The following ZNRF1 variants were observed in gnomAD, a reference collection of about 807,000 sequenced individuals.
ZNRF1 encodes the protein zinc and ring finger 1.
ZNRF1 carries 3 observed loss-of-function variants against 18.4 expected under a neutral mutation model. That is an observed-to-expected ratio of 0.16 (90% confidence interval 0.07 to 0.42). The LOEUF (loss-of-function observed/expected upper bound fraction) is 0.42. Ranked by LOEUF, ZNRF1 falls within the 10% of genes least tolerant of loss-of-function variation. ZNRF1 has a pLI of 0.99. For missense variants in ZNRF1, 310 were observed against 329.8 expected, an observed-to-expected ratio of 0.94 and a Z score of 0.47; for synonymous variants, 157 against 144.2, an observed-to-expected ratio of 1.09 and a Z score of -0.64.
At position 75,108,613 on chromosome 16, in the gene ZNRF1, C is replaced by A. The variant is rs977933304; in HGVS notation, c.*913C>A. 7 of 398,734 alleles carry A rather than the reference C, an allele frequency of 1.8e-5. No homozygotes were observed. Among genetic ancestry groups the A allele is most frequent in the Admixed American group, 4.4e-5 (1 of 22,716 alleles). The allele number at this position is 398,734 out of a possible 1,614,324, so 24.7% of individuals were successfully genotyped here. A position where few individuals can be genotyped will look rare whatever the true frequency, so the allele number is the denominator to read the frequency against. On this transcript the variant is annotated 3_prime_UTR_variant, in exon 5 of 5. Transcript: ENST00000335325. ...TTATATATTAAAATACAAAAAAAAA[C>A]TTATAAAATGTTTAAAAAAATGTTC...
Position 74,999,744 on chromosome 16 carries a change from G to A in ZNRF1, c.73G>A (p.Val25Met). 7.2e-7 allele frequency: 1 copy of A among 1,390,812 alleles called. No individual in the cohort carries two copies. The highest frequency in any genetic ancestry group is 9.3e-7 in the Non-Finnish European group (1 of 1,078,978). 86.2% of individuals were successfully genotyped at this position (1,390,812 alleles called of 1,614,324 possible). A position where few individuals can be genotyped will look rare whatever the true frequency, so the allele number is the denominator to read the frequency against. The change falls in exon 1 of 5, where the codon GTG becomes ATG. Residue 25 changes from valine to methionine, a missense_variant. Val to Met is a conservative substitution (Grantham distance 21). Around this residue, in one of 2 missense-constraint regions of ZNRF1, gnomAD observed 293 missense variants for 291.2 expected, o/e 1.01. Coordinates refer to ENST00000335325, the MANE Select transcript of ZNRF1 (RefSeq NM_032268.5). Reference protein sequence around the residue: ...FPGVSTDDSAVPPPGGAPHFG... With the variant: ...FPGVSTDDSAMPPPGGAPHFG... ...GGGGGTCTCCACCGATGACAGCGCCGTGCCGCCGCCGGGAGGGGCGCCCCA... is the reference window on the plus strand; with the variant it reads ...GGGGGTCTCCACCGATGACAGCGCCATGCCGCCGCCGGGAGGGGCGCCCCA...
At chr16:75,073,146 C>CTCTCTCTCTCTGTCTG (rs146902791) in intron 1 of ZNRF1, among the ~76,000 whole-genome samples, 1 of 128,662 alleles carries the variant, frequency 7.8e-6, no homozygotes, top group Admixed American at 8.1e-5. Flanking sequence ...CTCTCTCTCT[C>CTCTCTCTCTCTGTCTG]TCTCTCTGTC....
At chr16:75,034,301 T>C (rs2035349166) in intron 1 of ZNRF1, among the ~76,000 whole-genome samples, 1 of 152,242 alleles carries the variant, frequency 6.6e-6, no homozygotes, top group Admixed American at 6.5e-5. Context: ...ACAACTGCTT[T>C]CCATTTCCCT....
intron 1 of ZNRF1, chr16:75,084,507 T>C (rs1432613257): frequency 6.6e-6 from 1 of 152,098 alleles, no homozygotes; most frequent in South Asian, 2.1e-4. Context: ...GGCACCAGAT[T>C]TCCTATTTAC....
At chr16:75,104,979 G>C (rs761610181) in intron 3 of ZNRF1, 90 bp downstream of exon 3, 1 of 1,092,802 alleles carries the variant, frequency 9.2e-7, no homozygotes, top group Non-Finnish European at 1.3e-6. Context: ...TTTGGTTATG[G>C]GATGACCTCT....
intron 1 of ZNRF1, among the ~76,000 whole-genome samples, chr16:75,016,471 C>A (rs1473870882): frequency 6.6e-6 from 1 of 151,912 alleles, no homozygotes; most frequent in East Asian, 1.9e-4. Flanking sequence ...TACTCCTGAC[C>A]TCAAGTGATC....
chr16:75,095,392 C>T (rs1485645123), intron 2 of ZNRF1, among the ~76,000 whole-genome samples: 1 of 152,048 alleles, frequency 6.6e-6, no homozygotes, highest in Non-Finnish European at 1.5e-5. Context: ...GCTGTCAGGA[C>T]GCTCAGGCTC....
chr16:75,026,847 A>C, intron 1 of ZNRF1, among the ~76,000 whole-genome samples: 1 of 152,126 alleles, frequency 6.6e-6, no homozygotes, highest in Admixed American at 6.5e-5. Flanking sequence ...GAGGCACAAG[A>C]ATCACTTGAA....
chr16:75,051,333 G>C (rs1200517733), intron 1 of ZNRF1, among the ~76,000 whole-genome samples: 1 of 151,734 alleles, frequency 6.6e-6, no homozygotes, highest in East Asian at 1.9e-4. Flanking sequence ...TCAGCATCTC[G>C]AGTAGCTGGG....
intron 1 of ZNRF1, among the ~76,000 whole-genome samples, chr16:75,060,457 A>G (rs1290283490): frequency 6.9e-6 from 1 of 145,886 alleles, no homozygotes; most frequent in Non-Finnish European, 1.5e-5. Context: ...ACCCTAGCAT[A>G]CCAGACTCAG....
chr16:75,052,396 G>A (rs1373433374), intron 1 of ZNRF1, among the ~76,000 whole-genome samples: 1 of 146,974 alleles, frequency 6.8e-6, no homozygotes, highest in African/African-American at 2.5e-5. Flanking sequence ...GCCAGACCCT[G>A]TCTCAAAAAA....
chr16:75,009,742 A>G (rs2034969551), intron 1 of ZNRF1, among the ~76,000 whole-genome samples: 1 of 151,114 alleles, frequency 6.6e-6, no homozygotes, highest in Non-Finnish European at 1.5e-5. Flanking sequence ...GCACCATTTT[A>G]TATTCCTACC....
intron 1 of ZNRF1, among the ~76,000 whole-genome samples, chr16:75,072,950 A>G (rs2035887773): frequency 6.6e-6 from 1 of 152,174 alleles, no homozygotes; most frequent in Non-Finnish European, 1.5e-5. Context: ...GCTACTGTTC[A>G]TCACACTCAA....
At chr16:75,042,475 A>G (rs1230074459) in intron 1 of ZNRF1, among the ~76,000 whole-genome samples, 1 of 117,880 alleles carries the variant, frequency 8.5e-6, no homozygotes, top group Non-Finnish European at 1.7e-5. Context: ...AAACACACAT[A>G]TTTCTAGTTG....
intron 1 of ZNRF1, among the ~76,000 whole-genome samples, chr16:75,002,563 T>G (rs1011572636): frequency 1.3e-5 from 2 of 152,190 alleles, no homozygotes; most frequent in Non-Finnish European, 2.9e-5. Flanking sequence ...ATACAAGGCC[T>G]TCTCAGAGAG....
intron 1 of ZNRF1, among the ~76,000 whole-genome samples, chr16:75,087,168 CG>C (rs1157457804): frequency 1.3e-5 from 2 of 152,182 alleles, no homozygotes; most frequent in Non-Finnish European, 2.9e-5. Flanking sequence ...CATCCTTCCT[CG>C]GCTGCTCTGT....
At chr16:75,100,450 T>C (rs948579679) in intron 2 of ZNRF1, among the ~76,000 whole-genome samples, 2 of 152,146 alleles carry the variant, frequency 1.3e-5, no homozygotes, top group East Asian at 3.9e-4. Context: ...TCCAGTCTTG[T>C]CATAAAGCGC....
intron 2 of ZNRF1, among the ~76,000 whole-genome samples, chr16:75,096,269 T>C (rs1409826113): frequency 6.6e-6 from 1 of 152,158 alleles, no homozygotes; most frequent in African/African-American, 2.4e-5. Flanking sequence ...CCTGTTCATG[T>C]GGTATGGACT....
chr16:75,106,545 G>A lies in ZNRF1; in HGVS notation c.*6G>A, dbSNP rs755942523. On this transcript the variant is annotated 3_prime_UTR_variant, in exon 4 of 5. Transcript: ENST00000335325. Reference sequence around the variant, plus strand: ...CGGAACACCCTGCGGACTGACCTGCGGGCTTGCTTGCTGACTCCTCTCAAA... The same window carrying A: ...CGGAACACCCTGCGGACTGACCTGCAGGCTTGCTTGCTGACTCCTCTCAAA... 8.1e-6 allele frequency: 13 copies of A among 1,614,086 alleles called. No individual in the cohort carries two copies. The East Asian group carries it at 1.1e-4, about 14-fold the overall frequency.
Sources: allele counts gnomAD v4.1 joint callset (sites outside exome capture counted in the v4.1 genomes callset), GRCh38; gene constraint gnomAD v4.1.1; regional missense constraint gnomAD v4.1.1; transcripts MANE v1.5; gene names NCBI Gene and HGNC (gene_info 2026-07-23, HGNC 2026-07-21).